METTL15: variants seen among roughly 807,000 people sequenced by gnomAD.
The protein encoded by METTL15 is methyltransferase 15, mitochondrial 12S rRNA N4-cytidine.
Under a neutral mutation model 38.3 loss-of-function variants are expected in METTL15, and 34 were observed. That is an observed-to-expected ratio of 0.89 (90% CI 0.68 to 1.18). METTL15 has a LOEUF of 1.18. Among genes scored for constraint, METTL15 ranks in the 50% most tolerant of loss-of-function variants. The pLI, the probability that METTL15 is intolerant of heterozygous loss-of-function variation, is 0.00. For synonymous variants in METTL15, 162 were observed against 170.9 expected (o/e 0.95, Z 0.41); for missense variants, 438 against 498.4 (o/e 0.88, Z 1.15).
chr11:28,226,567 C>T (rs966897250), intron 4 of METTL15, among the ~76,000 whole-genome samples: 1 of 151,826 alleles, frequency 6.6e-6, no homozygotes, highest in African/African-American at 2.4e-5. Context: ...TTTAAGCTGC[C>T]ATTTTTAATT....
intron 6 of METTL15, among the ~76,000 whole-genome samples, chr11:28,499,102 GTCTACC>G (rs1851559760): frequency 6.6e-6 from 1 of 152,120 alleles, no homozygotes; most frequent in Non-Finnish European, 1.5e-5. Context: ...GCCTTACGTT[GTCTACC>G]TCTGGCTTTC....
intron 3 of METTL15, among the ~76,000 whole-genome samples, chr11:28,180,331 G>T (rs942612831): frequency 6.6e-6 from 1 of 151,752 alleles, no homozygotes; most frequent in Non-Finnish European, 1.5e-5. Flanking sequence ...AACAATCCTG[G>T]ATTCAGCAGA....
intron 6 of METTL15, among the ~76,000 whole-genome samples, chr11:28,307,182 G>A (rs1411030065): frequency 1.3e-5 from 2 of 151,710 alleles, no homozygotes; most frequent in African/African-American, 2.4e-5. Context: ...TTTTTTGTGT[G>A]TGTGATAGCA....
intron 6 of METTL15, among the ~76,000 whole-genome samples, chr11:28,514,752 G>A (rs562835804): frequency 3.3e-5 from 5 of 152,130 alleles, no homozygotes; most frequent in Non-Finnish European, 5.9e-5. Context: ...TGATGCCTAG[G>A]CTGAGATAGC....
intron 6 of METTL15, among the ~76,000 whole-genome samples, chr11:28,462,292 T>C (rs1419165781): frequency 6.6e-6 from 1 of 152,064 alleles, no homozygotes; most frequent in Non-Finnish European, 1.5e-5. Flanking sequence ...AATGGAAGTG[T>C]AGGACATGCT....
intron 3 of METTL15, among the ~76,000 whole-genome samples, chr11:28,194,884 G>A (rs1038153104): frequency 1.3e-5 from 2 of 151,174 alleles, no homozygotes; most frequent in Admixed American, 6.6e-5. Context: ...TCCAGTGTTC[G>A]TTATACCCCT....
At chr11:28,317,882 T>C (rs1314179483) in intron 6 of METTL15, among the ~76,000 whole-genome samples, 2 of 152,172 alleles carry the variant, frequency 1.3e-5, no homozygotes, top group Non-Finnish European at 2.9e-5. Context: ...TCTCAATCAA[T>C]GCTTCCAGTG....
rs200736775 is a variant in METTL15 at position 28,172,166 on chromosome 11, A to AT, written c.271-38887dup. Among the ~76,000 whole-genome samples the AT allele has an allele frequency of 9.0e-3, 1,364 of 151,550 alleles. 16 individuals are homozygous for AT. Among genetic ancestry groups the AT allele is most frequent in the Non-Finnish European group, 9.0e-3 (610 of 67,826 alleles). On this transcript the variant is annotated intron_variant, in intron 3 of 6. Transcript: ENST00000407364. ...AATATTTCTGATTCAGGAATATGTGATTTTTTTTTCTTTCAAAACAAGACA... is the reference window on the plus strand; with the variant it reads ...AATATTTCTGATTCAGGAATATGTGATTTTTTTTTTCTTTCAAAACAAGACA...
chr11:28,421,858 G>C (rs1370171485), intron 5 of METTL15, among the ~76,000 whole-genome samples: 1 of 151,886 alleles, frequency 6.6e-6, no homozygotes, highest in Non-Finnish European at 1.5e-5. Context: ...ACAAGAGAAA[G>C]AAATAAAGGG....
rs375185839 is a variant in METTL15, at chr11:28,305,142, A to G, written c.778+8211A>G. On this transcript the variant is annotated intron_variant, in intron 6 of 6. Transcript: ENST00000407364. ...TAAGTAAACTTATGTTTTATTTCTT[A>G]TTTTAATAAGTAATCCTTTCAAAAG... Among the ~76,000 whole-genome samples, 25 of 152,266 alleles carry G rather than the reference A, an allele frequency of 1.6e-4. No homozygotes were observed. The East Asian group carries it at 2.5e-3, about 15-fold the overall frequency.
chr11:28,397,505 C>G (rs1410941945), intron 5 of METTL15, among the ~76,000 whole-genome samples: 1 of 152,016 alleles, frequency 6.6e-6, no homozygotes, highest in Non-Finnish European at 1.5e-5. Context: ...TCATCACTGG[C>G]CATCAGAGAA....
downstream of METTL15, among the ~76,000 whole-genome samples, chr11:28,337,029 T>C (rs563552815): frequency 6.6e-6 from 1 of 152,252 alleles, no homozygotes; most frequent in South Asian, 2.1e-4. Flanking sequence ...TATGTACATC[T>C]AGGCTAATGT....
intron 5 of METTL15, among the ~76,000 whole-genome samples, chr11:28,293,003 G>A (rs1226417992): frequency 3.9e-5 from 6 of 152,100 alleles, no homozygotes; most frequent in Admixed American, 3.9e-4. Flanking sequence ...CATTCTGTAG[G>A]TTGCCTGTTC....
intron 3 of METTL15, among the ~76,000 whole-genome samples, chr11:28,338,873 A>G (rs972795422): frequency 4.6e-5 from 7 of 152,112 alleles, no homozygotes; most frequent in African/African-American, 1.7e-4. Context: ...ATTTTTTGTA[A>G]GAAATCTAGG....
chr11:28,306,270 G>A (rs74935432), intron 6 of METTL15, among the ~76,000 whole-genome samples: 1 of 152,112 alleles, frequency 6.6e-6, no homozygotes, highest in East Asian at 1.9e-4. Context: ...TGACCTGCTG[G>A]CATTGTATGT....
intron 3 of METTL15, among the ~76,000 whole-genome samples, chr11:28,118,074 C>A (rs1852053598): frequency 6.6e-6 from 1 of 152,022 alleles, no homozygotes; most frequent in African/African-American, 2.4e-5. Flanking sequence ...ACAATCTCAG[C>A]TTACTGCAAG....
At chr11:28,164,813 C>T (rs1267569083) in intron 3 of METTL15, among the ~76,000 whole-genome samples, 1 of 152,014 alleles carries the variant, frequency 6.6e-6, no homozygotes, top group African/African-American at 2.4e-5. Flanking sequence ...TTCCTCCTGT[C>T]TTACTGAAAC....
chr11:28,296,761 A>G lies in METTL15; in HGVS notation c.608A>G (p.Asp203Gly), dbSNP rs1467368952. The change falls in exon 6 of 7, where the codon GAC becomes GGC. Residue 203 changes from aspartate (D) to glycine (G), a missense_variant. Coordinates refer to ENST00000407364, the MANE Select transcript of METTL15 (RefSeq NM_001113528.2). The stretch of plus-strand genomic sequence containing the variant: ...GCTCTTCTTGTGCGTAGGTACCCTG[A>G]CATGCCCACTGCTGCTGATGTTGTG... ...DMRMDGGRYP[D>G]MPTAADVVNA... The G allele has an allele frequency of 6.2e-7, 1 of 1,613,020 alleles. No individual in the cohort carries two copies. The highest frequency in any genetic ancestry group is 8.5e-7 in the Non-Finnish European group (1 of 1,179,548).
chr11:28,115,803 A>T (rs1851918007), intron 3 of METTL15, among the ~76,000 whole-genome samples: 2 of 151,922 alleles, frequency 1.3e-5, no homozygotes. Flanking sequence ...AAATAAGTGG[A>T]CTTTCGCAGT....
Sources: allele counts gnomAD v4.1 joint callset (sites outside exome capture counted in the v4.1 genomes callset), GRCh38; gene constraint gnomAD v4.1.1; transcripts MANE v1.5; gene names NCBI Gene and HGNC (gene_info 2026-07-23, HGNC 2026-07-21).